The following CD44 variants were observed in gnomAD, a reference collection of about 807,000 sequenced individuals.
CD44 encodes the protein CD44 molecule (IN blood group).
Under a neutral mutation model 88.8 loss-of-function variants are expected in CD44, and 49 were observed. The observed-to-expected ratio is 0.55, with a 90% CI of 0.44 to 0.70. The LOEUF is 0.70. Ranked by LOEUF, CD44 falls within the 30% of genes least tolerant of loss-of-function variation. The pLI is 0.00. For missense variants in CD44, 883 were observed against 913.8 expected (o/e 0.97, Z 0.43); for synonymous variants, 325 against 312.3 (o/e 1.04, Z -0.43).
chr11:35,176,898 G>A (rs1944518707), intron 2 of CD44, 158 bp downstream of exon 2: 2 of 646,356 alleles, frequency 3.1e-6, no homozygotes, highest in Admixed American at 3.2e-5. Flanking sequence ...CAACCTGTAT[G>A]ACAACTGGAG....
chr11:35,155,835 CT>C (rs767400773), intron 1 of CD44, among the ~76,000 whole-genome samples: 90 of 152,232 alleles, frequency 5.9e-4, no homozygotes, highest in Non-Finnish European at 1.1e-3. Context: ...GCCGTCTTCC[CT>C]TTTCTACTGC....
At chr11:35,152,299 A>T (rs899933627) in intron 1 of CD44, among the ~76,000 whole-genome samples, 3 of 152,174 alleles carry the variant, frequency 2.0e-5, no homozygotes, top group Admixed American at 2.0e-4. Flanking sequence ...CTCATCCCCA[A>T]GGGAAAAAGT....
In CD44 at chr11:35,214,852, G is replaced by A. The variant is rs1948691728; in HGVS notation, c.1811G>A (p.Gly604Glu). ...SNSNVNRSLS[G>E]DQDTFHPSGG... ...TGACCTTCCTGATTGCTCATTACAG[G>A]AGACCAAGACACATTCCACCCCAGT... The change falls in exon 15 of 18, where the codon GGA becomes GAA. Residue 604 changes from glycine to glutamate, a missense_variant and splice_region_variant. By Grantham distance (98) the Gly-to-Glu change is moderately conservative. Coordinates refer to ENST00000428726, the MANE Select transcript of CD44 (RefSeq NM_000610.4). The A allele has an allele frequency of 6.5e-7, 1 of 1,539,216 alleles. No homozygotes were observed. The highest frequency in any genetic ancestry group is 8.8e-7 in the Non-Finnish European group (1 of 1,141,436).
rs138821226 is a variant in CD44, at chr11:35,176,697, G to A, written c.190G>A (p.Ala64Thr). ...TTTCAATAGCACCTTGCCCACAATGGCCCAGATGGAGAAAGCTCTGAGCAT... is the reference window on the plus strand; with the variant it reads ...TTTCAATAGCACCTTGCCCACAATGACCCAGATGGAGAAAGCTCTGAGCAT... ...KAFNSTLPTM[A>T]QMEKALSIGF... is the part of the protein sequence containing the mutation. The change falls in exon 2 of 18, where the codon GCC (alanine) becomes ACC (threonine). Residue 64 changes from alanine (A) to threonine (T), a missense_variant. By Grantham distance (58) the Ala-to-Thr change is moderately conservative. Around this residue, in one of 2 missense-constraint regions of CD44, gnomAD observed 252 missense variants for 322.9 expected, o/e 0.78. Coordinates refer to ENST00000428726, the MANE Select transcript of CD44 (RefSeq NM_000610.4). The A allele has an allele frequency of 3.0e-5, 49 of 1,614,126 alleles. No individual in the cohort carries two copies. In the African/African-American group the frequency reaches 5.6e-4, roughly 18 times the overall value.
chr11:35,156,468 A>G (rs1941882290), intron 1 of CD44, among the ~76,000 whole-genome samples: 1 of 152,242 alleles, frequency 6.6e-6, no homozygotes, highest in African/African-American at 2.4e-5. Context: ...TGAACGATCT[A>G]AAGGAAATGG....
At chr11:35,142,555 C>T (rs777054917) in intron 1 of CD44, among the ~76,000 whole-genome samples, 6 of 152,118 alleles carry the variant, frequency 3.9e-5, no homozygotes, top group Non-Finnish European at 7.4e-5. Flanking sequence ...TTAGAGACTC[C>T]GCCCCCTGCT....
At chr11:35,173,967 G>A (rs555164747) in intron 1 of CD44, among the ~76,000 whole-genome samples, 157 of 152,190 alleles carry the variant, frequency 1.0e-3, no homozygotes, top group Non-Finnish European at 1.9e-3. Flanking sequence ...GCTGGGTGAC[G>A]TTGGGGAGTC....
At chr11:35,185,128 A>G (rs1392886077) in intron 3 of CD44, among the ~76,000 whole-genome samples, 3 of 152,190 alleles carry the variant, frequency 2.0e-5, no homozygotes, top group African/African-American at 7.2e-5. Flanking sequence ...ATAAGTTTAT[A>G]TGGTGGTAAA....
intron 1 of CD44, among the ~76,000 whole-genome samples, chr11:35,171,698 T>A (rs950584702): frequency 3.9e-5 from 6 of 152,220 alleles, no homozygotes; most frequent in Non-Finnish European, 7.3e-5. Context: ...TTCAAGATAC[T>A]GTTATAAGCT....
intron 1 of CD44, among the ~76,000 whole-genome samples, chr11:35,146,353 G>A (rs1419936704): frequency 6.6e-6 from 1 of 152,216 alleles, no homozygotes; most frequent in Non-Finnish European, 1.5e-5. Flanking sequence ...ATCTGCTGTT[G>A]TGGCATTGCA....
chr11:35,154,054 T>C (rs1049378666), intron 1 of CD44, among the ~76,000 whole-genome samples: 21 of 152,140 alleles, frequency 1.4e-4, no homozygotes, highest in Admixed American at 1.2e-3. Flanking sequence ...AAGCACACAT[T>C]TGGGGAGAAG....
intron 1 of CD44, among the ~76,000 whole-genome samples, chr11:35,161,364 GGACCCA>G (rs1420876967): frequency 1.1e-4 from 16 of 152,302 alleles, no homozygotes; most frequent in Middle Eastern, 3.4e-3. Context: ...GCCAGGACTT[GGACCCA>G]AGTCTTTCTT....
Position 35,176,891 on chromosome 11 carries a change from C to T in CD44, c.233+151C>T, listed in dbSNP as rs77499795. 9.9e-3 allele frequency: 6,644 copies of T among 671,734 alleles called. 61 individuals are homozygous for T. The highest frequency in any genetic ancestry group is 0.015 in the Middle Eastern group (38 of 2,514). The allele number at this position is 671,734 out of a possible 1,614,324, so 41.6% of individuals were successfully genotyped here. ...TTAATTTGGCCAAGTCAATCTGCAA[C>T]CTGTATGACAACTGGAGTTTAAAGT... On this transcript the variant is annotated intron_variant, in intron 2 of 17. Coordinates refer to ENST00000428726, the MANE Select transcript of CD44 (RefSeq NM_000610.4).
chr11:35,226,911 G>T (rs1369044084), intron 17 of CD44, among the ~76,000 whole-genome samples: 1 of 93,880 alleles, frequency 1.1e-5, no homozygotes, highest in South Asian at 3.0e-4. Context: ...TTGAGACGGA[G>T]TCTTACTGTG....
intron 4 of CD44, 131 bp from the exon 5 acceptor site, chr11:35,189,704 C>T: frequency 5.9e-6 from 4 of 675,318 alleles, no homozygotes; most frequent in East Asian, 2.7e-5. Flanking sequence ...CTGCCACTCT[C>T]TCCCACCACT....
At chr11:35,163,276 G>C (rs353635) in intron 1 of CD44, among the ~76,000 whole-genome samples, 82,369 of 151,132 alleles carry the variant, frequency 0.55, 23,983 homozygotes, top group African/African-American at 0.76. Context: ...TAAACTGAAG[G>C]AAACTCATGG....
At chr11:35,192,105 G>A (rs190154789) in intron 5 of CD44, among the ~76,000 whole-genome samples, 1 of 152,290 alleles carries the variant, frequency 6.6e-6, no homozygotes, top group African/African-American at 2.4e-5. Context: ...ACATAGTTCA[G>A]GATTTGAGCT....
intron 2 of CD44, chr11:35,177,183 AT>A (rs71044514): frequency 0.16 from 25,031 of 152,728 alleles, 2,181 homozygotes; most frequent in Middle Eastern, 0.27. Flanking sequence ...CTTAAAAAAA[AT>A]TTTTTTTGGT....
Position 35,208,255 on chromosome 11 carries a change from A to T in CD44, c.1516+49A>T, listed in dbSNP as rs371760648. On this transcript the variant is annotated intron_variant, in intron 12 of 17. Coordinates refer to ENST00000428726, the MANE Select transcript of CD44 (RefSeq NM_000610.4). ...CTTTATTGACTTGTATTCCTGCTTC[A>T]TCTCTTACTCGCTATTGGCCAAGAT... 15 of 1,241,286 alleles carry T rather than the reference A, an allele frequency of 1.2e-5. No homozygotes were observed. In the African/African-American group the frequency reaches 1.9e-4, roughly 16 times the overall value. 76.9% of individuals were successfully genotyped at this position (1,241,286 alleles called of 1,614,324 possible). A position where few individuals can be genotyped will look rare whatever the true frequency, so the allele number is the denominator to read the frequency against.
Sources: gnomAD v4.1 joint callset for allele counts (sites outside exome capture counted in the v4.1 genomes callset) on GRCh38, gnomAD v4.1.1 for gene constraint, gnomAD v4.1.1 regional missense constraint, MANE v1.5 for transcripts, NCBI Gene and HGNC (gene_info 2026-07-23, HGNC 2026-07-21) for gene names.